The following PCDH10 variants were observed in gnomAD, a reference collection of about 807,000 sequenced individuals.
PCDH10 encodes protocadherin-10.
In PCDH10, 15 loss-of-function variants were observed where a neutral mutation model predicts 74.4. That is an observed-to-expected ratio of 0.20 (90% CI 0.13 to 0.31). The LOEUF (loss-of-function observed/expected upper bound fraction) is 0.31. PCDH10 is among the 10% of genes least tolerant of loss of function. PCDH10 has a pLI of 1.00. For missense variants in PCDH10, 1,260 were observed against 1,390.2 expected, an observed-to-expected ratio of 0.91 and a Z score of 1.49; for synonymous variants, 619 against 589.8, an observed-to-expected ratio of 1.05 and a Z score of -0.72.
At chr4:133,163,386 A>G (rs1727014738) in intron 4 of PCDH10, 104 bp downstream of exon 4, 4 of 1,068,628 alleles carry the variant, frequency 3.7e-6, no homozygotes, top group Non-Finnish European at 5.4e-6. Flanking sequence ...TTTTTAAGAA[A>G]TAAAGATAAA....
At chr4:133,186,497 T>C (rs1727544071) in intron 4 of PCDH10, among the ~76,000 whole-genome samples, 1 of 152,110 alleles carries the variant, frequency 6.6e-6, no homozygotes, top group Non-Finnish European at 1.5e-5. Flanking sequence ...AAAACATACA[T>C]AGAATATATT....
At chr4:133,167,490 G>A (rs1727111031) in intron 4 of PCDH10, among the ~76,000 whole-genome samples, 1 of 151,356 alleles carries the variant, frequency 6.6e-6, no homozygotes, top group African/African-American at 2.4e-5. Context: ...TTCCTCTAAT[G>A]TCTTAAATAT....
chr4:133,153,540 A>G (rs1168233590), intron 1 of PCDH10: 1 of 152,266 alleles, frequency 6.6e-6, no homozygotes, highest in Non-Finnish European at 1.5e-5. Context: ...GGCTTTCTTC[A>G]TAAAAGAATT....
At chr4:133,198,243 A>G (rs1727832557), downstream of PCDH10, among the ~76,000 whole-genome samples, 1 of 152,108 alleles carries the variant, frequency 6.6e-6, no homozygotes, top group South Asian at 2.1e-4. Flanking sequence ...TGACAGGGCT[A>G]CAAAGACTAC....
intron 4 of PCDH10, among the ~76,000 whole-genome samples, chr4:133,186,878 C>T (rs1291349041): frequency 6.6e-6 from 1 of 152,026 alleles, no homozygotes; most frequent in Non-Finnish European, 1.5e-5. Context: ...CCACTAAACC[C>T]TGCTAACTTT....
rs1727636692 is a variant in PCDH10 at position 133,190,425 on chromosome 4, A to G, written c.*265A>G. 2.1e-6 allele frequency: 1 copy of G among 468,488 alleles called. No homozygotes were observed. Among genetic ancestry groups the G allele is most frequent in the African/African-American group, 2.0e-5 (1 of 50,816 alleles). 29.0% of individuals were successfully genotyped at this position (468,488 alleles called of 1,614,324 possible). Reference sequence around the variant, plus strand: ...TCAGTGTGTGCCTGTTTACAGCACTATCTATCTTTCTCTCTCCAAATGTCA... The same window carrying G: ...TCAGTGTGTGCCTGTTTACAGCACTGTCTATCTTTCTCTCTCCAAATGTCA... On this transcript the variant is annotated 3_prime_UTR_variant, in exon 5 of 5. Coordinates refer to ENST00000264360, the MANE Select transcript of PCDH10 (RefSeq NM_032961.3).
At position 133,151,430 on chromosome 4, in the gene PCDH10, C is replaced by A. The variant is rs140875995; in HGVS notation, c.1290C>A (p.Thr430=). Residue 430 remains threonine (T), a synonymous_variant, in exon 1 of 5, where the codon ACC becomes ACA. Coordinates refer to ENST00000264360, the MANE Select transcript of PCDH10 (RefSeq NM_032961.3). Reference sequence around the variant, plus strand: ...ACCGAGAGGCGGGGGACTCCTACACCCTGACTGTAGTGGCTCGGGACCGGG... The same window carrying A: ...ACCGAGAGGCGGGGGACTCCTACACACTGACTGTAGTGGCTCGGGACCGGG... ...PLDREAGDSY[T]LTVVARDRGE... is the part of the protein sequence containing the mutation. 2.3e-4 allele frequency: 377 copies of A among 1,614,056 alleles called. 2 individuals are homozygous for A. The highest frequency in any genetic ancestry group is 5.0e-5 in the Non-Finnish European group (59 of 1,180,028).
At chr4:133,184,633 TTTA>T (rs1295747767) in intron 4 of PCDH10, among the ~76,000 whole-genome samples, 2 of 148,530 alleles carry the variant, frequency 1.3e-5, no homozygotes, top group African/African-American at 4.9e-5. Flanking sequence ...ATAAACCGGT[TTTA>T]TTATCTATAA....
intron 3 of PCDH10, among the ~76,000 whole-genome samples, chr4:133,155,429 A>G (rs1035889962): frequency 5.3e-5 from 8 of 152,234 alleles, no homozygotes; most frequent in African/African-American, 1.9e-4. Flanking sequence ...CAAGGTCACA[A>G]GAAGATAAAT....
At chr4:133,194,944 C>G (rs541249568), downstream of PCDH10, among the ~76,000 whole-genome samples, 1 of 151,590 alleles carries the variant, frequency 6.6e-6, no homozygotes, top group African/African-American at 2.4e-5. Context: ...TGTAGTAATA[C>G]CAAGGGTCCA....
intron 4 of PCDH10, among the ~76,000 whole-genome samples, chr4:133,173,385 T>A (rs2125867278): frequency 6.6e-6 from 1 of 152,116 alleles, no homozygotes; most frequent in Admixed American, 6.5e-5. Context: ...TATAGTCCTG[T>A]GAGATTTAAA....
At chr4:133,178,601 A>G (rs1727345773) in intron 4 of PCDH10, among the ~76,000 whole-genome samples, 1 of 151,600 alleles carries the variant, frequency 6.6e-6, no homozygotes, top group Non-Finnish European at 1.5e-5. Flanking sequence ...ATAACTTAAA[A>G]TACTGGTAAA....
intron 4 of PCDH10, among the ~76,000 whole-genome samples, chr4:133,181,006 A>G (rs931679594): frequency 6.6e-6 from 1 of 151,894 alleles, no homozygotes; most frequent in African/African-American, 2.4e-5. Context: ...TGAAAGGAAG[A>G]AAAAGAGGTG....
chr4:133,202,943 C>T (rs879578683), intron 2 of PCDH10, among the ~76,000 whole-genome samples: 2 of 152,132 alleles, frequency 1.3e-5, no homozygotes, highest in Non-Finnish European at 2.9e-5. Context: ...GGTGAGGCCA[C>T]TTGGTCTTTC....
chr4:133,191,922 G>A lies in PCDH10; in HGVS notation c.*1762G>A, dbSNP rs1380004673. 1 of 149,674 alleles carries A rather than the reference G, an allele frequency of 6.7e-6. No individual in the cohort carries two copies. Among genetic ancestry groups the A allele is most frequent in the Non-Finnish European group, 1.5e-5 (1 of 67,264 alleles). 9.3% of individuals were successfully genotyped at this position (149,674 alleles called of 1,614,324 possible). ...CTTCATCAAATTTTATGTAACTTAA[G>A]TGGAAATTTTTCCCTAGATTTAACT... is the stretch of plus-strand genomic sequence containing the variant. On this transcript the variant is annotated 3_prime_UTR_variant, in exon 5 of 5. Transcript: ENST00000264360.
At position 133,194,264 on chromosome 4, in the gene PCDH10, C is replaced by T. The variant is rs1727745027; in HGVS notation, c.*4104C>T. On this transcript the variant is annotated 3_prime_UTR_variant, in exon 5 of 5. Coordinates refer to ENST00000264360, the MANE Select transcript of PCDH10 (RefSeq NM_032961.3). Reference sequence around the variant, plus strand: ...GTCACATGCTTAGTTTGAAGTTTTACTCTCCAGATGTTTTTGAGTTGCATA... The same window carrying T: ...GTCACATGCTTAGTTTGAAGTTTTATTCTCCAGATGTTTTTGAGTTGCATA... 3 of 151,798 alleles carry T rather than the reference C, an allele frequency of 2.0e-5. No individual in the cohort carries two copies. The highest frequency in any genetic ancestry group is 1.3e-4 in the Admixed American group (2 of 15,208). 9.4% of individuals were successfully genotyped at this position (151,798 alleles called of 1,614,324 possible). A position where few individuals can be genotyped will look rare whatever the true frequency, so the allele number is the denominator to read the frequency against.
At position 133,152,723 on chromosome 4, in the gene PCDH10, C is replaced by G; in HGVS notation, c.2583C>G (p.Thr861=). The G allele has an allele frequency of 4.3e-6, 7 of 1,614,204 alleles. No individual in the cohort carries two copies. The highest frequency in any genetic ancestry group is 5.9e-6 in the Non-Finnish European group (7 of 1,180,032). The change falls in exon 1 of 5, where the codon ACC becomes ACG. Residue 861 remains threonine (T), a synonymous_variant. Coordinates refer to ENST00000264360, the MANE Select transcript of PCDH10 (RefSeq NM_032961.3). ...NPCGAIVTGY[T]DQQPDIISNG... ...GCGGGGCCATCGTCACCGGTTACAC[C>G]GACCAGCAGCCTGATATCATCTCCA...
At chr4:133,165,301 G>GT (rs34380819) in intron 4 of PCDH10, among the ~76,000 whole-genome samples, 27 of 146,928 alleles carry the variant, frequency 1.8e-4, no homozygotes, top group South Asian at 8.5e-4. Context: ...GTCTAGACTG[G>GT]TTTTTTTTTT....
intron 4 of PCDH10, among the ~76,000 whole-genome samples, chr4:133,177,539 G>C (rs1040717657): frequency 1.3e-5 from 2 of 152,034 alleles, no homozygotes; most frequent in Non-Finnish European, 2.9e-5. Context: ...CAAATAACAA[G>C]AGACCTAACA....
Sources: allele counts gnomAD v4.1 joint callset (sites outside exome capture counted in the v4.1 genomes callset), GRCh38; gene constraint gnomAD v4.1.1; transcripts MANE v1.5; gene names NCBI Gene and HGNC (gene_info 2026-07-23, HGNC 2026-07-21).